PLEKHM3: variants seen among roughly 807,000 people sequenced by gnomAD.
The protein encoded by PLEKHM3 is pleckstrin homology domain containing M3.
Under a neutral mutation model 81.8 loss-of-function variants are expected in PLEKHM3, and 45 were observed. That is an observed-to-expected ratio of 0.55 (90% CI 0.43 to 0.71). The LOEUF (loss-of-function observed/expected upper bound fraction) is 0.71, where lower values mean the gene tolerates loss of function less well. Among genes scored for constraint, PLEKHM3 ranks in the 30% least tolerant of loss-of-function variants. The pLI is 0.00. For missense variants in PLEKHM3, 788 were observed against 924.3 expected, an observed-to-expected ratio of 0.85 and a Z score of 1.91; for synonymous variants, 352 against 356.4, an observed-to-expected ratio of 0.99 and a Z score of 0.14.
At chr2:208,024,653 A>G (rs1355556138) in intron 1 of PLEKHM3, among the ~76,000 whole-genome samples, 1 of 152,166 alleles carries the variant, frequency 6.6e-6, no homozygotes, top group Non-Finnish European at 1.5e-5. Flanking sequence ...ACAACTCACT[A>G]CGATTACTTA....
Position 207,918,656 on chromosome 2 carries a change from T to C in PLEKHM3, c.1887-10079A>G, listed in dbSNP as rs552065180. Among the ~76,000 whole-genome samples the C allele has an allele frequency of 2.8e-4, 42 of 152,368 alleles. No individual in the cohort carries two copies. In the South Asian group the frequency reaches 8.5e-3, roughly 31 times the overall value. The stretch of plus-strand genomic sequence containing the variant: ...AAGTGGTAGGATATGGGTGGCTTTC[T>C]TATTTTTGTTTTCTATGATGAACAG... On this transcript the variant is annotated intron_variant, in intron 5 of 7. Coordinates refer to ENST00000427836, the MANE Select transcript of PLEKHM3 (RefSeq NM_001080475.3).
chr2:207,948,834 C>T (rs1025476035), intron 3 of PLEKHM3, among the ~76,000 whole-genome samples: 1 of 151,970 alleles, frequency 6.6e-6, no homozygotes, highest in East Asian at 1.9e-4. Context: ...TGAGCCACCG[C>T]GCCTGGCCAA....
intron 6 of PLEKHM3, among the ~76,000 whole-genome samples, chr2:207,890,895 T>G (rs879647404): frequency 6.6e-6 from 1 of 152,246 alleles, no homozygotes; most frequent in African/African-American, 2.4e-5. Context: ...CCAGCATCAG[T>G]AATTCTTGCT....
At chr2:208,006,428 T>G (rs1316562227) in intron 1 of PLEKHM3, among the ~76,000 whole-genome samples, 1 of 152,218 alleles carries the variant, frequency 6.6e-6, no homozygotes, top group Non-Finnish European at 1.5e-5. Flanking sequence ...CAGGAGCTAA[T>G]TAGAACTGTG....
chr2:207,970,531 A>T (rs980205767), intron 3 of PLEKHM3, among the ~76,000 whole-genome samples: 2 of 152,216 alleles, frequency 1.3e-5, no homozygotes, highest in Non-Finnish European at 2.9e-5. Flanking sequence ...TATAACAAAA[A>T]AAACTTCATT....
intron 2 of PLEKHM3, among the ~76,000 whole-genome samples, chr2:207,982,224 C>A (rs1454865648): frequency 1.5e-5 from 2 of 137,174 alleles, no homozygotes; most frequent in East Asian, 2.4e-4. Flanking sequence ...TCCCTCCCTC[C>A]CTCCCTCACT....
At chr2:207,928,737 G>T (rs1689489690) in intron 5 of PLEKHM3, among the ~76,000 whole-genome samples, 1 of 152,208 alleles carries the variant, frequency 6.6e-6, no homozygotes, top group Non-Finnish European at 1.5e-5. Context: ...GAAATGTTAG[G>T]CTAGTTAGAA....
chr2:207,910,200 G>A (rs1056096913), intron 5 of PLEKHM3, among the ~76,000 whole-genome samples: 4 of 152,174 alleles, frequency 2.6e-5, no homozygotes, highest in Admixed American at 6.5e-5. Context: ...AGGAAGCAGA[G>A]CACAGGTCCA....
At chr2:207,856,214 C>T (rs1176674800) in intron 7 of PLEKHM3, among the ~76,000 whole-genome samples, 1 of 152,032 alleles carries the variant, frequency 6.6e-6, no homozygotes, top group Non-Finnish European at 1.5e-5. Flanking sequence ...AGAGAGTTCC[C>T]ATATTCCACC....
chr2:207,828,537 C>G lies in PLEKHM3; in HGVS notation c.2109-41G>C, dbSNP rs720632. The G allele has an allele frequency of 0.65, 1,025,950 of 1,588,812 alleles. 334,575 individuals carry two copies. The highest frequency in any genetic ancestry group is 0.75 in the African/African-American group (56,095 of 74,374). On this transcript the variant is annotated intron_variant, in intron 7 of 7. Coordinates refer to ENST00000427836, the MANE Select transcript of PLEKHM3 (RefSeq NM_001080475.3). Reference sequence around the variant, plus strand: ...ATGGATATGATGAGCAAGACTGAAGCCAGCAAGACACAAATGGGAAGCCCT... The same window carrying G: ...ATGGATATGATGAGCAAGACTGAAGGCAGCAAGACACAAATGGGAAGCCCT...
intron 3 of PLEKHM3, among the ~76,000 whole-genome samples, chr2:207,961,884 T>C (rs2105999391): frequency 6.6e-6 from 1 of 152,312 alleles, no homozygotes; most frequent in East Asian, 1.9e-4. Context: ...GCTTCCTCAT[T>C]CTGTGGGGGG....
intron 7 of PLEKHM3, among the ~76,000 whole-genome samples, chr2:207,841,931 G>A (rs1450366959): frequency 1.3e-5 from 2 of 151,766 alleles, no homozygotes; most frequent in African/African-American, 4.8e-5. Context: ...TTACTGCCCC[G>A]ATCTTTATTT....
intron 2 of PLEKHM3, among the ~76,000 whole-genome samples, chr2:207,985,711 G>A (rs1319419761): frequency 6.6e-6 from 1 of 152,088 alleles, no homozygotes; most frequent in Non-Finnish European, 1.5e-5. Flanking sequence ...CTGGCCGGGT[G>A]CGGTGTGGCT....
intron 7 of PLEKHM3, among the ~76,000 whole-genome samples, chr2:207,852,148 G>T (rs2092416302): frequency 6.6e-6 from 1 of 152,144 alleles, no homozygotes. Flanking sequence ...ATTTTAGGGG[G>T]TATATGGCAA....
At chr2:207,975,708 T>A (rs1195412287) in intron 3 of PLEKHM3, among the ~76,000 whole-genome samples, 1 of 147,642 alleles carries the variant, frequency 6.8e-6, no homozygotes, top group Non-Finnish European at 1.5e-5. Context: ...GTGATTCTCC[T>A]GCCTCAGCCT....
intron 5 of PLEKHM3, chr2:207,929,987 G>A (rs769541901): frequency 2.9e-4 from 198 of 674,984 alleles, no homozygotes; most frequent in Non-Finnish European, 4.3e-4. Context: ...ACTTATGAAC[G>A]CCATCAACAA....
At chr2:207,881,573 A>T in intron 6 of PLEKHM3, among the ~76,000 whole-genome samples, 1 of 152,202 alleles carries the variant, frequency 6.6e-6, no homozygotes, top group Middle Eastern at 3.2e-3. Context: ...CTATTCAGTA[A>T]CTATGTGTGC....
At chr2:207,971,951 A>G (rs1201881689) in intron 3 of PLEKHM3, among the ~76,000 whole-genome samples, 1 of 152,206 alleles carries the variant, frequency 6.6e-6, no homozygotes, top group African/African-American at 2.4e-5. Flanking sequence ...AAAATCTGCA[A>G]TTTCACATAG....
intron 7 of PLEKHM3, among the ~76,000 whole-genome samples, chr2:207,838,707 G>T (rs2092333576): frequency 6.6e-6 from 1 of 152,080 alleles, no homozygotes; most frequent in South Asian, 2.1e-4. Context: ...AGGTTCATCT[G>T]GTAATTAATA....
Sources: gnomAD v4.1 joint callset for allele counts (sites outside exome capture counted in the v4.1 genomes callset) on GRCh38, gnomAD v4.1.1 for gene constraint, MANE v1.5 for transcripts, NCBI Gene and HGNC (gene_info 2026-07-23, HGNC 2026-07-21) for gene names.